SYT17: variants seen among roughly 807,000 people sequenced by gnomAD.
The protein encoded by SYT17 is synaptotagmin 17.
SYT17 carries 22 observed loss-of-function variants against 46.7 expected under a neutral mutation model. The observed-to-expected ratio is 0.47, with a 90% CI of 0.34 to 0.67. SYT17 has a LOEUF of 0.67. Among genes scored for constraint, SYT17 ranks in the 30% least tolerant of loss-of-function variants. SYT17 has a pLI of 0.01. For synonymous variants in SYT17, 251 were observed against 248.4 expected (o/e 1.01, Z -0.10); for missense variants, 519 against 612.8 (o/e 0.85, Z 1.62).
chr16:19,257,246 T>G (rs949664857), intron 7 of SYT17, among the ~76,000 whole-genome samples: 1 of 152,028 alleles, frequency 6.6e-6, no homozygotes, highest in Non-Finnish European at 1.5e-5. Context: ...CAGAAAAGCT[T>G]GAAAAACATC....
intron 5 of SYT17, among the ~76,000 whole-genome samples, chr16:19,206,093 A>G (rs1965661769): frequency 6.6e-6 from 1 of 152,232 alleles, no homozygotes; most frequent in Non-Finnish European, 1.5e-5. Context: ...TCAGTGTGAT[A>G]GTAGAAATGA....
At chr16:19,257,907 A>G (rs999695013) in intron 7 of SYT17, among the ~76,000 whole-genome samples, 1 of 152,122 alleles carries the variant, frequency 6.6e-6, no homozygotes, top group Non-Finnish European at 1.5e-5. Flanking sequence ...TGTGAACCAA[A>G]TATGCAAAAT....
chr16:19,201,594 C>T (rs577408043), intron 5 of SYT17, among the ~76,000 whole-genome samples: 3 of 150,442 alleles, frequency 2.0e-5, no homozygotes, highest in Non-Finnish European at 4.4e-5. Context: ...AGAGAAGGTG[C>T]CATTTTCAAT....
chr16:19,232,580 C>T (rs1966741059), intron 7 of SYT17, among the ~76,000 whole-genome samples: 1 of 152,106 alleles, frequency 6.6e-6, no homozygotes, highest in African/African-American at 2.4e-5. Context: ...CCTCTAATCC[C>T]AGCACTTTGA....
intron 5 of SYT17, among the ~76,000 whole-genome samples, chr16:19,202,480 A>G (rs1181648628): frequency 6.6e-6 from 1 of 152,198 alleles, no homozygotes; most frequent in Non-Finnish European, 1.5e-5. Flanking sequence ...TCGCTAACCT[A>G]GAAGCTTTCT....
intron 7 of SYT17, among the ~76,000 whole-genome samples, chr16:19,237,655 A>G (rs954307273): frequency 1.3e-5 from 2 of 152,222 alleles, no homozygotes; most frequent in African/African-American, 4.8e-5. Flanking sequence ...CACACTGCCT[A>G]TGGGGTAGCA....
chr16:19,180,538 G>T lies in SYT17; in HGVS notation c.330G>T (p.Ser110=), dbSNP rs1053202387. Residue 110 remains serine (S), a splice_region_variant and synonymous_variant, in exon 4 of 8, where the codon TCG becomes TCT. Transcript: ENST00000355377. The stretch of plus-strand genomic sequence containing the variant: ...CATACAGCCTGACGCGGAGGATTTC[G>T]AGTAAGTATCTCTGCTTTACCTTTC... The part of the protein sequence containing the change: ...KSTYSLTRRI[S]SLESRRPSSP... 1 of 1,614,064 alleles carries T rather than the reference G, an allele frequency of 6.2e-7. No homozygotes were observed. The highest frequency in any genetic ancestry group is 8.5e-7 in the Non-Finnish European group (1 of 1,180,012).
chr16:19,221,138 AT>A (rs1966300954), intron 5 of SYT17, among the ~76,000 whole-genome samples: 1 of 146,688 alleles, frequency 6.8e-6, no homozygotes, highest in Admixed American at 6.9e-5. Flanking sequence ...GCAGGGAGCT[AT>A]GATCATGCCA....
At chr16:19,242,706 T>A (rs985978642) in intron 7 of SYT17, among the ~76,000 whole-genome samples, 1 of 152,020 alleles carries the variant, frequency 6.6e-6, no homozygotes, top group African/African-American at 2.4e-5. Context: ...TTGTACTTTT[T>A]TTTGTAGAGA....
intron 5 of SYT17, among the ~76,000 whole-genome samples, chr16:19,200,205 C>A (rs1010384958): frequency 2.0e-5 from 3 of 152,226 alleles, no homozygotes; most frequent in African/African-American, 7.2e-5. Flanking sequence ...CTCTCTAGAG[C>A]AGTGCAGCCC....
intron 5 of SYT17, among the ~76,000 whole-genome samples, chr16:19,205,501 G>A (rs229009): frequency 4.0e-5 from 6 of 150,932 alleles, no homozygotes; most frequent in African/African-American, 1.5e-4. Flanking sequence ...GTACAGTGGC[G>A]TGATCTCAGC....
chr16:19,180,873 T>C (rs778672334), intron 4 of SYT17, among the ~76,000 whole-genome samples: 5 of 152,250 alleles, frequency 3.3e-5, no homozygotes, highest in Non-Finnish European at 7.3e-5. Flanking sequence ...GCAGGGTTTG[T>C]CAATTCTGGT....
chr16:19,259,009 C>G (rs61669740), intron 7 of SYT17, among the ~76,000 whole-genome samples: 1 of 152,034 alleles, frequency 6.6e-6, no homozygotes, highest in South Asian at 2.1e-4. Context: ...TGCTATGATA[C>G]GGTGGAAATA....
At chr16:19,232,643 C>A (rs556681441) in intron 7 of SYT17, among the ~76,000 whole-genome samples, 1 of 152,120 alleles carries the variant, frequency 6.6e-6, no homozygotes, top group East Asian at 1.9e-4. Flanking sequence ...CCAGCCTGGG[C>A]AGCATGGCAA....
intron 7 of SYT17, among the ~76,000 whole-genome samples, chr16:19,252,266 C>T (rs762660804): frequency 1.4e-5 from 2 of 147,482 alleles, no homozygotes; most frequent in Admixed American, 6.9e-5. Flanking sequence ...ATTCTTCATC[C>T]TTTGAAATGA....
At chr16:19,194,385 C>T (rs1340032058) in intron 5 of SYT17, among the ~76,000 whole-genome samples, 1 of 152,158 alleles carries the variant, frequency 6.6e-6, no homozygotes, top group Non-Finnish European at 1.5e-5. Context: ...TCTCACAAAT[C>T]ACAGAGAGAG....
At chr16:19,208,775 T>C (rs1394630788) in intron 5 of SYT17, among the ~76,000 whole-genome samples, 3 of 151,926 alleles carry the variant, frequency 2.0e-5, no homozygotes, top group Admixed American at 2.0e-4. Flanking sequence ...GTATTCTCCC[T>C]GTGTGCATGT....
At chr16:19,214,688 A>T (rs1319286450) in intron 5 of SYT17, among the ~76,000 whole-genome samples, 1 of 151,774 alleles carries the variant, frequency 6.6e-6, no homozygotes, top group Non-Finnish European at 1.5e-5. Context: ...TGTGATGGCA[A>T]CTCTCCTTTT....
chr16:19,248,167 T>C (rs1341432187), intron 7 of SYT17, among the ~76,000 whole-genome samples: 1 of 152,134 alleles, frequency 6.6e-6, no homozygotes, highest in Non-Finnish European at 1.5e-5. Flanking sequence ...AAAACCATAA[T>C]ACATTACCAC....
Sources: allele counts gnomAD v4.1 joint callset (sites outside exome capture counted in the v4.1 genomes callset), GRCh38; gene constraint gnomAD v4.1.1; transcripts MANE v1.5; gene names NCBI Gene and HGNC (gene_info 2026-07-23, HGNC 2026-07-21).